ATP2C2: variants seen among roughly 807,000 people sequenced by gnomAD.
The protein encoded by ATP2C2 is calcium-transporting ATPase type 2C member 2.
A neutral mutation model predicts 110.8 loss-of-function variants in ATP2C2; 171 were observed. The observed-to-expected ratio is 1.54, with a 90% CI of 1.36 to 1.75. ATP2C2 has a LOEUF of 1.75. ATP2C2 is among the 40% of genes most tolerant of loss of function. ATP2C2 has a pLI of 0.00. For missense variants in ATP2C2, 1,963 were observed against 1,235.0 expected, an observed-to-expected ratio of 1.59 and a Z score of -8.84; for synonymous variants, 804 against 508.4, an observed-to-expected ratio of 1.58 and a Z score of -7.82.
chr16:84,460,152 G>A, intron 23 of ATP2C2: 1 of 203,656 alleles, frequency 4.9e-6, no homozygotes, highest in Non-Finnish European at 1.0e-5. Context: ...CTCCCTGGGA[G>A]CAGAAGTGGG....
chr16:84,395,758 C>T lies in ATP2C2; in HGVS notation c.100-2741C>T, dbSNP rs147884648. Among the ~76,000 whole-genome samples the T allele has an allele frequency of 1.7e-3, 263 of 151,486 alleles. 3 individuals are homozygous for T. The highest frequency in any genetic ancestry group is 2.1e-3 in the South Asian group (10 of 4,812). On this transcript the variant is annotated intron_variant, in intron 1 of 26. Coordinates refer to ENST00000262429, the MANE Select transcript of ATP2C2 (RefSeq NM_014861.4). ...TAGATGATCTGCCTGCCTCAGCTTC[C>T]CAAAGTGCTGGGATTATAGGTATGA... is the stretch of plus-strand genomic sequence containing the variant.
chr16:84,398,752 A>G, intron 2 of ATP2C2, 143 bp downstream of exon 2: 1 of 651,350 alleles, frequency 1.5e-6, no homozygotes, highest in Non-Finnish European at 2.5e-6. Flanking sequence ...GTTGATGTTG[A>G]ATGGTTCAGA....
chr16:84,461,849 CTG>C lies in ATP2C2; in HGVS notation c.2580+43_2580+44del, dbSNP rs1327442648. The C allele has an allele frequency of 2.5e-6, 4 of 1,609,576 alleles. No homozygotes were observed. In the African/African-American group the frequency reaches 5.3e-5, roughly 21 times the overall value. On this transcript the variant is annotated intron_variant, in intron 25 of 26. Transcript: ENST00000262429. ...GCTGACCCTCCTCGCTGCAGAGCTG[CTG>C]TGTGTTCTCGACAGCAGCGCCCCGA...
intron 17 of ATP2C2, 63 bp downstream of exon 17, chr16:84,448,752 A>T (rs1407958648): frequency 3.9e-6 from 6 of 1,545,770 alleles, no homozygotes; most frequent in Non-Finnish European, 5.2e-6. Context: ...TTTTAAGTGC[A>T]TTCAAGCAGG....
rs990000262 is a variant in ATP2C2 at position 84,422,779 on chromosome 16, C to T, written c.843+82C>T. The T allele has an allele frequency of 6.1e-5, 85 of 1,394,952 alleles. No individual in the cohort carries two copies. The African/African-American group carries it at 1.0e-3, about 17-fold the overall frequency. 86.4% of individuals were successfully genotyped at this position (1,394,952 alleles called of 1,614,324 possible). On this transcript the variant is annotated intron_variant, in intron 9 of 26. Transcript: ENST00000262429. ...AGGCAAATAATACCAGCCTTGCCTA[C>T]TCCTTAGGAATGAGTGGCATGTGGT...
chr16:84,445,460 G>A (rs1038118938), intron 15 of ATP2C2, among the ~76,000 whole-genome samples: 5 of 152,036 alleles, frequency 3.3e-5, no homozygotes, highest in Non-Finnish European at 7.4e-5. Flanking sequence ...CACCCGCCTC[G>A]GCTGCCCAAA....
chr16:84,450,341 C>T (rs1910144588), intron 17 of ATP2C2, among the ~76,000 whole-genome samples: 3 of 152,140 alleles, frequency 2.0e-5, no homozygotes, highest in Admixed American at 2.0e-4. Flanking sequence ...TGGGACAGTG[C>T]CCGAGTGACT....
Position 84,422,535 on chromosome 16 carries a change from G to C in ATP2C2, c.770G>C (p.Gly257Ala). ...FMGTLVQYGR[G>A]QGVVIGTGES... ...GGGACCCTGGTGCAGTATGGGAGGG[G>C]CCAGGTAAGCCCTGGGACACCGAGG... Residue 257 changes from glycine (G) to alanine (A), a missense_variant, in exon 8 of 27, where the codon GGC becomes GCC. Transcript: ENST00000262429. The C allele has an allele frequency of 6.2e-7, 1 of 1,613,856 alleles. No homozygotes were observed. The highest frequency in any genetic ancestry group is 8.5e-7 in the Non-Finnish European group (1 of 1,179,874).
At chr16:84,369,785 T>C (rs187197247) in intron 1 of ATP2C2, among the ~76,000 whole-genome samples, 3 of 152,256 alleles carry the variant, frequency 2.0e-5, no homozygotes, top group Non-Finnish European at 4.4e-5. Flanking sequence ...TGTGCTTTTT[T>C]AAAAATAGTG....
chr16:84,394,392 G>T (rs1904848727), intron 1 of ATP2C2, among the ~76,000 whole-genome samples: 1 of 152,020 alleles, frequency 6.6e-6, no homozygotes. Flanking sequence ...TCTGCTTTCT[G>T]CTCCTACGAA....
chr16:84,377,652 C>G (rs978369626), intron 1 of ATP2C2, among the ~76,000 whole-genome samples: 1 of 152,078 alleles, frequency 6.6e-6, no homozygotes, highest in South Asian at 2.1e-4. Flanking sequence ...CTGTAATGAC[C>G]TCTTTAAAGG....
intron 7 of ATP2C2, among the ~76,000 whole-genome samples, chr16:84,419,306 C>T (rs921678231): frequency 6.7e-6 from 1 of 148,390 alleles, no homozygotes; most frequent in African/African-American, 2.5e-5. Flanking sequence ...TTCCCAGCTT[C>T]TAGAAGCCGC....
Position 84,463,795 on chromosome 16 carries a change from C to T in ATP2C2, c.*63C>T, listed in dbSNP as rs1024602987. On this transcript the variant is annotated 3_prime_UTR_variant, in exon 27 of 27. Transcript: ENST00000262429. ...ATCTGGTTGTGACTGTGGCCCCTGCCGTGTCTCCTCGTCAGGGGAGACTTT... is the reference window on the plus strand; with the variant it reads ...ATCTGGTTGTGACTGTGGCCCCTGCTGTGTCTCCTCGTCAGGGGAGACTTT... 162 of 1,398,812 alleles carry T rather than the reference C, an allele frequency of 1.2e-4. No homozygotes were observed. The highest frequency in any genetic ancestry group is 9.2e-5 in the East Asian group (4 of 43,574). 86.7% of individuals were successfully genotyped at this position (1,398,812 alleles called of 1,614,324 possible).
At chr16:84,451,827 A>G in intron 17 of ATP2C2, 94 bp from the exon 18 acceptor site, 1 of 1,311,080 alleles carries the variant, frequency 7.6e-7, no homozygotes, top group Non-Finnish European at 1.1e-6. Flanking sequence ...GATAAGAACA[A>G]AACTCTCTTA....
intron 23 of ATP2C2, 187 bp downstream of exon 23, chr16:84,459,573 A>C (rs1315328774): frequency 2.0e-5 from 31 of 1,536,280 alleles, no homozygotes; most frequent in Non-Finnish European, 2.6e-5. Flanking sequence ...AGGAGAAAGT[A>C]CCTGGGCCGG....
intron 1 of ATP2C2, among the ~76,000 whole-genome samples, chr16:84,390,841 C>T (rs939263877): frequency 6.6e-6 from 1 of 152,110 alleles, no homozygotes; most frequent in Non-Finnish European, 1.5e-5. Flanking sequence ...GGGCCGGGCG[C>T]GGTGGCTCAC....
chr16:84,416,519 T>A (rs562293858), intron 7 of ATP2C2, among the ~76,000 whole-genome samples: 7 of 152,274 alleles, frequency 4.6e-5, no homozygotes, highest in African/African-American at 1.7e-4. Context: ...CACAAAGGGT[T>A]GGAAGCTACC....
chr16:84,372,590 A>G (rs868392868), intron 1 of ATP2C2, among the ~76,000 whole-genome samples: 1 of 151,760 alleles, frequency 6.6e-6, no homozygotes, highest in East Asian at 2.0e-4. Context: ...ACACCCAGCT[A>G]ATTTTTGTAC....
At chr16:84,390,982 TG>T (rs1489041262) in intron 1 of ATP2C2, among the ~76,000 whole-genome samples, 1 of 151,332 alleles carries the variant, frequency 6.6e-6, no homozygotes, top group Non-Finnish European at 1.5e-5. Flanking sequence ...GGCGTGGTGG[TG>T]GGCACCTGTA....
Sources: gnomAD v4.1 joint callset for allele counts (sites outside exome capture counted in the v4.1 genomes callset) on GRCh38, gnomAD v4.1.1 for gene constraint, MANE v1.5 for transcripts, NCBI Gene and HGNC (gene_info 2026-07-23, HGNC 2026-07-21) for gene names.